Variants in NCAM2 observed in about 807,000 individuals in gnomAD.
NCAM2 encodes the protein N-CAM-2.
A neutral mutation model predicts 98.1 loss-of-function variants in NCAM2; 30 were observed. That is an observed-to-expected ratio of 0.31 (90% CI 0.23 to 0.41). NCAM2 has a LOEUF of 0.41. Among genes scored for constraint, NCAM2 ranks in the 10% least tolerant of loss-of-function variants. NCAM2 has a pLI of 1.00. For synonymous variants in NCAM2, 368 were observed against 342.4 expected (o/e 1.07, Z -0.83); for missense variants, 867 against 1,005.8 (o/e 0.86, Z 1.87).
In NCAM2 at chr21:21,081,521, C is replaced by T. The variant is rs9306000; in HGVS notation, c.55+82903C>T. On this transcript the variant is annotated intron_variant, in intron 1 of 17. Transcript: ENST00000400546. ...TGTATTACTTATTAAGAATTCTCAA[C>T]TGGGCATGGTGGCTCACGCCTGTAA... Among the ~76,000 whole-genome samples, 1,253 of 152,254 alleles carry T rather than the reference C, an allele frequency of 8.2e-3. 10 individuals carry two copies. Among genetic ancestry groups the T allele is most frequent in the African/African-American group, 0.029 (1,193 of 41,560 alleles).
intron 9 of NCAM2, among the ~76,000 whole-genome samples, chr21:21,378,149 C>T (rs1210596895): frequency 6.6e-6 from 1 of 150,924 alleles, no homozygotes. Context: ...GAACATGGGA[C>T]TGCAGATACC....
chr21:21,088,173 TAATC>T (rs1461232974), intron 1 of NCAM2, among the ~76,000 whole-genome samples: 5 of 152,308 alleles, frequency 3.3e-5, no homozygotes, highest in Admixed American at 6.5e-5. Context: ...ACTGCATTAA[TAATC>T]AATCCAAATG....
rs1342189207 is a variant in NCAM2, at chr21:21,537,900, A to G, written c.2457A>G (p.Ile819Met). The G allele has an allele frequency of 6.3e-7, 1 of 1,583,760 alleles. No homozygotes were observed. The part of the protein sequence containing the change: ...DGKEALNPET[I>M]EIKVSNDIIQ... ...AAGAAGCTCTAAATCCAGAAACTAT[A>G]GAAATTAAAGTTTCTAACGACATCA... Residue 819 changes from isoleucine (I) to methionine (M), a missense_variant, in exon 18 of 18, where the codon ATA becomes ATG. Transcript: ENST00000400546.
chr21:21,312,808 T>A (rs906135015), intron 5 of NCAM2, among the ~76,000 whole-genome samples: 6 of 151,954 alleles, frequency 3.9e-5, no homozygotes, highest in African/African-American at 1.4e-4. Flanking sequence ...GTTTCTTCTT[T>A]AAATATTTTT....
intron 1 of NCAM2, among the ~76,000 whole-genome samples, chr21:21,258,104 T>G (rs1304008723): frequency 6.6e-6 from 1 of 152,216 alleles, no homozygotes; most frequent in Non-Finnish European, 1.5e-5. Flanking sequence ...TCACACACTT[T>G]TCATTATCTG....
At chr21:21,417,667 C>G (rs1018290861) in intron 10 of NCAM2, among the ~76,000 whole-genome samples, 2 of 151,960 alleles carry the variant, frequency 1.3e-5, no homozygotes, top group Non-Finnish European at 2.9e-5. Context: ...CAGGGTTTGT[C>G]TCAGTGTTCA....
Position 21,411,037 on chromosome 21 carries a change from C to T in NCAM2, c.1383+576C>T, listed in dbSNP as rs370219105. Among the ~76,000 whole-genome samples the T allele has an allele frequency of 1.1e-4, 6 of 53,308 alleles. 1 individual carries two copies. The highest frequency in any genetic ancestry group is 6.8e-4 in the South Asian group (1 of 1,480). 35.0% of individuals were successfully genotyped at this position (53,308 alleles called of 152,430 possible). ...AAAAATATATATATATATATACACA[C>T]ATATATATATGTGTGTGTATATATA... On this transcript the variant is annotated intron_variant, in intron 10 of 17. Coordinates refer to ENST00000400546, the MANE Select transcript of NCAM2 (RefSeq NM_004540.5).
chr21:21,364,750 G>A (rs1602114614), intron 8 of NCAM2, among the ~76,000 whole-genome samples: 1 of 152,068 alleles, frequency 6.6e-6, no homozygotes, highest in East Asian at 1.9e-4. Context: ...GAATAAGGAT[G>A]TGTTCTATAA....
At chr21:21,042,987 T>C (rs2064936549) in intron 1 of NCAM2, among the ~76,000 whole-genome samples, 1 of 152,218 alleles carries the variant, frequency 6.6e-6, no homozygotes, top group Non-Finnish European at 1.5e-5. Context: ...ACTGTCAATA[T>C]AACTTACTCA....
intron 11 of NCAM2, 146 bp downstream of exon 11, chr21:21,418,715 G>A (rs1414387559): frequency 2.9e-6 from 2 of 684,710 alleles, no homozygotes; most frequent in Admixed American, 2.6e-5. Flanking sequence ...GGTTACCAGA[G>A]GCTTGGTAGT....
chr21:21,146,823 T>G (rs1194163070), intron 1 of NCAM2, among the ~76,000 whole-genome samples: 1 of 152,136 alleles, frequency 6.6e-6, no homozygotes, highest in Non-Finnish European at 1.5e-5. Flanking sequence ...TGAACTATCA[T>G]TTTGACACAA....
intron 1 of NCAM2, among the ~76,000 whole-genome samples, chr21:21,279,250 C>T (rs10432929): frequency 0.093 from 14,192 of 152,188 alleles, 1,176 homozygotes; most frequent in East Asian, 0.33. Flanking sequence ...CCCTTCCCAG[C>T]TTGGGGGAGG....
chr21:21,486,568 CT>C (rs1231472122), intron 15 of NCAM2, among the ~76,000 whole-genome samples: 5 of 152,096 alleles, frequency 3.3e-5, no homozygotes, highest in South Asian at 2.1e-4. Flanking sequence ...CCTCCAGAAA[CT>C]GTTTTTTACA....
At chr21:21,029,420 C>T (rs2064625415) in intron 1 of NCAM2, among the ~76,000 whole-genome samples, 1 of 152,032 alleles carries the variant, frequency 6.6e-6, no homozygotes, top group Admixed American at 6.5e-5. Flanking sequence ...GTCCTTTTTT[C>T]TGTGCTGGGA....
At chr21:21,497,684 GA>G (rs1329840722) in intron 15 of NCAM2, among the ~76,000 whole-genome samples, 1 of 152,066 alleles carries the variant, frequency 6.6e-6, no homozygotes, top group African/African-American at 2.4e-5. Flanking sequence ...CAGTACTGAA[GA>G]ATAAGTGTTG....
At chr21:21,145,950 G>A (rs552774768) in intron 1 of NCAM2, among the ~76,000 whole-genome samples, 1 of 152,230 alleles carries the variant, frequency 6.6e-6, no homozygotes, top group South Asian at 2.1e-4. Context: ...AGGCCAGGAA[G>A]CCTTCACAGA....
At chr21:21,155,155 G>A (rs1434581876) in intron 1 of NCAM2, among the ~76,000 whole-genome samples, 1 of 150,958 alleles carries the variant, frequency 6.6e-6, no homozygotes, top group Non-Finnish European at 1.5e-5. Flanking sequence ...AGGCTGGGGA[G>A]GAACTATGAT....
intron 1 of NCAM2, among the ~76,000 whole-genome samples, chr21:21,014,315 T>G (rs1378114413): frequency 6.6e-6 from 1 of 151,934 alleles, no homozygotes; most frequent in African/African-American, 2.4e-5. Flanking sequence ...TTCCAGCTAC[T>G]CTGGAGGCTG....
chr21:21,408,821 T>C (rs942046799), intron 9 of NCAM2, among the ~76,000 whole-genome samples: 2 of 151,900 alleles, frequency 1.3e-5, no homozygotes, highest in African/African-American at 4.8e-5. Flanking sequence ...AGTAAGCATT[T>C]CAGACTTGTA....
Sources: allele counts gnomAD v4.1 joint callset (sites outside exome capture counted in the v4.1 genomes callset), GRCh38; gene constraint gnomAD v4.1.1; transcripts MANE v1.5; gene names NCBI Gene and HGNC (gene_info 2026-07-23, HGNC 2026-07-21).